Variants in MYO9B observed in about 807,000 individuals in gnomAD.
The protein encoded by MYO9B is myosin IXB.
MYO9B carries 71 observed loss-of-function variants against 229.5 expected under a neutral mutation model. The observed-to-expected ratio is 0.31, with a 90% confidence interval of 0.26 to 0.38. The LOEUF (loss-of-function observed/expected upper bound fraction) is 0.38. Ranked by LOEUF, MYO9B falls within the 10% of genes least tolerant of loss-of-function variation. The pLI is 1.00. For missense variants in MYO9B, 2,255 were observed against 2,920.5 expected (o/e 0.77, Z 5.25); for synonymous variants, 1,185 against 1,235.8 (o/e 0.96, Z 0.86).
At chr19:17,179,522 G>A (rs1251110046) in intron 14 of MYO9B, among the ~76,000 whole-genome samples, 1 of 147,742 alleles carries the variant, frequency 6.8e-6, no homozygotes, top group Non-Finnish European at 1.5e-5. Flanking sequence ...TGCCTCCCAG[G>A]TTCAAGCGAT....
chr19:17,080,501 T>C (rs2123425920), intron 1 of MYO9B, among the ~76,000 whole-genome samples: 1 of 152,236 alleles, frequency 6.6e-6, no homozygotes, highest in South Asian at 2.1e-4. Flanking sequence ...AAATTTCCTC[T>C]TATGAGGACA....
chr19:17,158,093 CA>C (rs2072556854), intron 7 of MYO9B, among the ~76,000 whole-genome samples: 2 of 152,316 alleles, frequency 1.3e-5, no homozygotes, highest in Middle Eastern at 3.4e-3. Flanking sequence ...CCACAGCGCA[CA>C]GGACAGCCCC....
At chr19:17,153,335 G>A (rs1052688392) in intron 4 of MYO9B, among the ~76,000 whole-genome samples, 3 of 150,002 alleles carry the variant, frequency 2.0e-5, no homozygotes, top group Non-Finnish European at 3.0e-5. Flanking sequence ...CCGAGTAGCT[G>A]GAATTACAGG....
chr19:17,208,891 G>A (rs12978858), intron 35 of MYO9B, among the ~76,000 whole-genome samples: 3,495 of 58,646 alleles, frequency 0.06, 56 homozygotes, highest in Middle Eastern at 0.25. Context: ...TGACCACTCC[G>A]GACTGAGTCC....
In MYO9B at chr19:17,180,983, A is replaced by G; in HGVS notation, c.2276A>G (p.Asp759Gly). Residue 759 changes from aspartate to glycine, a missense_variant, in exon 15 of 40, where the codon GAC becomes GGC. Physicochemically the swap from Asp to Gly is moderately conservative, Grantham distance 94. This residue lies in a region of MYO9B where 155 missense variants were observed against 159.1 expected (regional missense o/e 0.97). Coordinates refer to ENST00000682292, the MANE Select transcript of MYO9B (RefSeq NM_004145.4). The part of the protein sequence containing the change: ...SIKGLPWQGE[D>G]PRSLLQSLSR... ...AAAGGATTGCCCTGGCAGGGCGAGG[A>G]CCCCCGTAGCCTTCTCCAGTCCCTC... 6.2e-7 allele frequency: 1 copy of G among 1,610,594 alleles called. No individual in the cohort carries two copies. The highest frequency in any genetic ancestry group is 8.5e-7 in the Non-Finnish European group (1 of 1,178,692).
chr19:17,142,025 A>T (rs562410777), intron 2 of MYO9B, among the ~76,000 whole-genome samples: 25 of 152,218 alleles, frequency 1.6e-4, no homozygotes, highest in Admixed American at 1.3e-3. Flanking sequence ...AAAAATTTTA[A>T]AAATTAGCCA....
At chr19:17,161,158 G>A (rs1177461883) in intron 8 of MYO9B, among the ~76,000 whole-genome samples, 1 of 152,152 alleles carries the variant, frequency 6.6e-6, no homozygotes, top group Non-Finnish European at 1.5e-5. Context: ...AGAACAAGGG[G>A]CCTGAAGTTA....
Position 17,206,176 on chromosome 19 carries a change from G to A in MYO9B, c.5257+24G>A, listed in dbSNP as rs561197760. On this transcript the variant is annotated intron_variant, in intron 32 of 39. Coordinates refer to ENST00000682292, the MANE Select transcript of MYO9B (RefSeq NM_004145.4). ...AGGTGGGCGCTGTGGGCAGGTGGGT[G>A]CAGTGCCAGGCCCCAGGCACAGCCG... 4 of 1,608,320 alleles carry A rather than the reference G, an allele frequency of 2.5e-6. 1 individual carries two copies. In the African/African-American group the frequency reaches 4.0e-5, roughly 16 times the overall value.
intron 2 of MYO9B, among the ~76,000 whole-genome samples, chr19:17,120,106 A>G (rs1156805808): frequency 6.6e-6 from 1 of 151,728 alleles, no homozygotes; most frequent in Non-Finnish European, 1.5e-5. Flanking sequence ...CAAAGGCAGG[A>G]TGTGTAAACC....
intron 2 of MYO9B, among the ~76,000 whole-genome samples, chr19:17,105,179 C>T (rs1568663934): frequency 6.6e-6 from 1 of 151,862 alleles, no homozygotes; most frequent in Non-Finnish European, 1.5e-5. Context: ...CACTTCACAA[C>T]CAGCATTTAA....
chr19:17,148,235 G>T (rs987850876), intron 3 of MYO9B, among the ~76,000 whole-genome samples: 10 of 152,194 alleles, frequency 6.6e-5, no homozygotes, highest in African/African-American at 2.4e-4. Context: ...GAGAAGCTAA[G>T]CTGCCTCCTT....
chr19:17,084,385 A>G (rs1349817673), intron 1 of MYO9B, among the ~76,000 whole-genome samples: 2 of 151,886 alleles, frequency 1.3e-5, no homozygotes, highest in African/African-American at 4.8e-5. Context: ...TCTGGTATTT[A>G]GTGTGAGGAA....
chr19:17,162,060 C>T (rs1441033937), intron 8 of MYO9B, among the ~76,000 whole-genome samples: 1 of 151,398 alleles, frequency 6.6e-6, no homozygotes, highest in Non-Finnish European at 1.5e-5. Context: ...AATCCCAGGA[C>T]TTTGGGAGGT....
intron 14 of MYO9B, among the ~76,000 whole-genome samples, chr19:17,176,076 C>A (rs1270099012): frequency 6.6e-6 from 1 of 152,156 alleles, no homozygotes; most frequent in East Asian, 1.9e-4. Flanking sequence ...GTTGCCCAGG[C>A]TGGAGTGCAG....
Position 17,209,566 on chromosome 19 carries a change from C to G in MYO9B, c.5625-20C>G. The G allele has an allele frequency of 6.4e-7, 1 of 1,572,356 alleles. No homozygotes were observed. Among genetic ancestry groups the G allele is most frequent in the Non-Finnish European group, 8.6e-7 (1 of 1,159,060 alleles). Reference sequence around the variant, plus strand: ...CGGGGCGGTAACTGAGTCACTTCCTCCCGTGGGCCTTCTCTGTAGGTGCGT... The same window carrying G: ...CGGGGCGGTAACTGAGTCACTTCCTGCCGTGGGCCTTCTCTGTAGGTGCGT... On this transcript the variant is annotated intron_variant, in intron 35 of 39. Coordinates refer to ENST00000682292, the MANE Select transcript of MYO9B (RefSeq NM_004145.4).
intron 1 of MYO9B, chr19:17,099,275 G>GA (rs71334663): frequency 0.18 from 23,893 of 133,852 alleles, 2,020 homozygotes; most frequent in Non-Finnish European, 0.21. Flanking sequence ...TCCATCTCAA[G>GA]AAAAAAAAAA....
At chr19:17,170,647 C>CAA (rs55894910) in intron 11 of MYO9B, among the ~76,000 whole-genome samples, 1,847 of 88,712 alleles carry the variant, frequency 0.021, 204 homozygotes, top group Middle Eastern at 0.031. Context: ...CCCATCTCTA[C>CAA]AAAAAAAAAA....
At chr19:17,163,372 CTTT>C (rs3031315) in intron 10 of MYO9B, among the ~76,000 whole-genome samples, 1 of 92,388 alleles carries the variant, frequency 1.1e-5, no homozygotes. Context: ...CCCCATTCCA[CTTT>C]TTTTTTTTTT....
intron 2 of MYO9B, among the ~76,000 whole-genome samples, chr19:17,120,028 C>A (rs2057947289): frequency 6.6e-6 from 1 of 152,174 alleles, no homozygotes; most frequent in Non-Finnish European, 1.5e-5. Context: ...GCCAGGCGTG[C>A]TGGCGCATGC....
Sources: allele counts gnomAD v4.1 joint callset (sites outside exome capture counted in the v4.1 genomes callset), GRCh38; gene constraint gnomAD v4.1.1; regional missense constraint gnomAD v4.1.1; transcripts MANE v1.5; gene names NCBI Gene and HGNC (gene_info 2026-07-23, HGNC 2026-07-21).